The following MAP2K1 variants were observed in gnomAD, a reference collection of about 807,000 sequenced individuals.
MAP2K1 encodes dual specificity mitogen-activated protein kinase kinase 1.
A neutral mutation model predicts 46.3 loss-of-function variants in MAP2K1; 16 were observed. The observed-to-expected ratio is 0.35, with a 90% CI of 0.23 to 0.52. The LOEUF (loss-of-function observed/expected upper bound fraction) is 0.52, where lower values mean the gene tolerates loss of function less well. MAP2K1 is among the 20% of genes least tolerant of loss of function. The pLI is 0.94. For missense variants in MAP2K1, 263 were observed against 497.1 expected, an observed-to-expected ratio of 0.53 and a Z score of 4.48; for synonymous variants, 183 against 185.6, an observed-to-expected ratio of 0.99 and a Z score of 0.11.
chr15:66,474,758 TGTGCAATGGTTTATA>T (rs1327667726), intron 5 of MAP2K1, among the ~76,000 whole-genome samples: 2 of 152,112 alleles, frequency 1.3e-5, no homozygotes, highest in Non-Finnish European at 2.9e-5. Flanking sequence ...TTCTCATCTG[TGTGCAATGGTTTATA>T]ATGCTTACCT....
intron 5 of MAP2K1, among the ~76,000 whole-genome samples, chr15:66,472,272 C>G (rs1191856564): frequency 6.6e-6 from 1 of 150,790 alleles, no homozygotes; most frequent in Non-Finnish European, 1.5e-5. Context: ...CTACTGCACT[C>G]CAGCCTGGGC....
rs6494573 is a variant in MAP2K1, at chr15:66,443,213, C to T, written c.439-67C>T. 992,015 of 1,089,166 alleles carry T rather than the reference C, an allele frequency of 0.91. 454,750 individuals are homozygous for T. The highest frequency in any genetic ancestry group is 1 in the East Asian group (41,847 of 41,858). 67.5% of individuals were successfully genotyped at this position (1,089,166 alleles called of 1,614,324 possible). On this transcript the variant is annotated intron_variant, in intron 3 of 10. Transcript: ENST00000307102. ...GCCATTCTCCTGCCTCAGCCACAGC[C>T]GAAAGTTATCACTTGAAAGAATAGT...
chr15:66,459,267 C>G (rs953420973), intron 5 of MAP2K1, among the ~76,000 whole-genome samples: 1 of 139,354 alleles, frequency 7.2e-6, no homozygotes, highest in East Asian at 2.2e-4. Context: ...GAGCCAAAAT[C>G]GCCACTGCAC....
intron 5 of MAP2K1, among the ~76,000 whole-genome samples, chr15:66,477,867 C>G (rs150507552): frequency 3.2e-4 from 48 of 152,202 alleles, no homozygotes; most frequent in African/African-American, 1.0e-3. Flanking sequence ...TTCTCAGTCT[C>G]GTTCCATTTT....
rs569157090 is a variant in MAP2K1 at position 66,489,848 on chromosome 15, C to T, written c.1068+85C>T. On this transcript the variant is annotated intron_variant, in intron 10 of 10. Transcript: ENST00000307102. Reference sequence around the variant, plus strand: ...AGTCATCTGTGCAGTACTTCCAGAGCCCATTCATTCCCTGCCCACTGTGGT... The same window carrying T: ...AGTCATCTGTGCAGTACTTCCAGAGTCCATTCATTCCCTGCCCACTGTGGT... 1.4e-5 allele frequency: 15 copies of T among 1,109,040 alleles called. No homozygotes were observed. In the South Asian group the frequency reaches 1.5e-4, roughly 11 times the overall value. 68.7% of individuals were successfully genotyped at this position (1,109,040 alleles called of 1,614,324 possible). A position where few individuals can be genotyped will look rare whatever the true frequency, so the allele number is the denominator to read the frequency against.
rs1427509651 is a variant in MAP2K1, at chr15:66,438,032, TTTTAA to T, written c.438+1145_438+1149del. Among the ~76,000 whole-genome samples the T allele has an allele frequency of 2.6e-3, 389 of 151,238 alleles. 1 individual carries two copies. Among genetic ancestry groups the T allele is most frequent in the Non-Finnish European group, 4.3e-3 (293 of 67,754 alleles). Reference sequence around the variant, plus strand: ...GTCTCTTGTGTTCTTTTTTTTTTTTTTTTAATTTATTTTTATTTTTTAGGGTGATG... The same window carrying T: ...GTCTCTTGTGTTCTTTTTTTTTTTTTTTTATTTTTATTTTTTAGGGTGATG... On this transcript the variant is annotated intron_variant, in intron 3 of 10. Transcript: ENST00000307102.
At chr15:66,477,218 T>C (rs1892774162) in intron 5 of MAP2K1, among the ~76,000 whole-genome samples, 1 of 152,056 alleles carries the variant, frequency 6.6e-6, no homozygotes. Flanking sequence ...GTTATGTAAG[T>C]TTGAAAAAAG....
At chr15:66,424,304 T>G (rs1330297120) in intron 1 of MAP2K1, among the ~76,000 whole-genome samples, 1 of 152,008 alleles carries the variant, frequency 6.6e-6, no homozygotes, top group African/African-American at 2.4e-5. Context: ...GTGATCTGCC[T>G]GCCTCGGCCT....
chr15:66,443,250 C>G (rs2140597621), intron 3 of MAP2K1, 30 bp from the exon 4 acceptor site: 1 of 1,363,934 alleles, frequency 7.3e-7, no homozygotes, highest in South Asian at 1.2e-5. Context: ...AGAACATTGT[C>G]ACTAACTGGT....
At chr15:66,484,161 T>C (rs2140672148) in intron 6 of MAP2K1, among the ~76,000 whole-genome samples, 1 of 151,558 alleles carries the variant, frequency 6.6e-6, no homozygotes, top group South Asian at 2.1e-4. Context: ...CTTTTTTTCT[T>C]CCGACATGGA....
chr15:66,464,122 T>G (rs1892400636), intron 5 of MAP2K1, among the ~76,000 whole-genome samples: 1 of 152,244 alleles, frequency 6.6e-6, no homozygotes, highest in Non-Finnish European at 1.5e-5. Context: ...TTTTAAAAAC[T>G]TTTGAGAAAG....
At chr15:66,420,773 ATATGTGTATATATATG>A (rs2093437440) in intron 1 of MAP2K1, among the ~76,000 whole-genome samples, 2 of 35,550 alleles carry the variant, frequency 5.6e-5, no homozygotes, top group Non-Finnish European at 1.4e-4. Flanking sequence ...GTGTGTATAT[ATATGTGTATATATATG>A]TGTGTATATA....
rs538149920 is a variant in MAP2K1, at chr15:66,489,375, T to C, written c.1022+99T>C. On this transcript the variant is annotated intron_variant, in intron 9 of 10. Coordinates refer to ENST00000307102, the MANE Select transcript of MAP2K1 (RefSeq NM_002755.4). Reference sequence around the variant, plus strand: ...CCAGCATTGCTTCTGCAGGCAGAGTTTTGCCCTTTACCCTCCCGTCTGATG... The same window carrying C: ...CCAGCATTGCTTCTGCAGGCAGAGTCTTGCCCTTTACCCTCCCGTCTGATG... The C allele has an allele frequency of 1.7e-5, 20 of 1,202,216 alleles. No individual in the cohort carries two copies. The African/African-American group carries it at 2.7e-4, about 16-fold the overall frequency. 74.5% of individuals were successfully genotyped at this position (1,202,216 alleles called of 1,614,324 possible).
At chr15:66,435,350 A>ATT in intron 2 of MAP2K1, 113 bp downstream of exon 2, 2 of 583,928 alleles carry the variant, frequency 3.4e-6, no homozygotes, top group South Asian at 1.9e-5. Flanking sequence ...GTGCTGTTTG[A>ATT]ATTTTTTTTT....
At chr15:66,442,705 C>G (rs1303717497) in intron 3 of MAP2K1, among the ~76,000 whole-genome samples, 1 of 152,154 alleles carries the variant, frequency 6.6e-6, no homozygotes, top group South Asian at 2.1e-4. Flanking sequence ...CTGTTTAATT[C>G]TGACACTACC....
intron 3 of MAP2K1, among the ~76,000 whole-genome samples, chr15:66,438,019 C>CTTT (rs58085335): frequency 1.7e-5 from 2 of 117,790 alleles, no homozygotes; most frequent in Non-Finnish European, 1.8e-5. Flanking sequence ...CTCTTGTGTT[C>CTTT]TTTTTTTTTT....
At chr15:66,468,653 C>CTGG (rs767127412) in intron 5 of MAP2K1, among the ~76,000 whole-genome samples, 7 of 152,204 alleles carry the variant, frequency 4.6e-5, no homozygotes, top group Admixed American at 2.0e-4. Context: ...TTTTTTTTGG[C>CTGG]TGGGCGCGGT....
At chr15:66,421,455 T>C (rs75376601) in intron 1 of MAP2K1, among the ~76,000 whole-genome samples, 2 of 151,942 alleles carry the variant, frequency 1.3e-5, no homozygotes, top group South Asian at 2.1e-4. Flanking sequence ...TTTTTTTTTT[T>C]CCTTAAGTGC....
rs1240248728 is a variant in MAP2K1, at chr15:66,443,358, G to A, written c.516+1G>A. 3.1e-6 allele frequency: 5 copies of A among 1,589,610 alleles called. No homozygotes were observed. The highest frequency in any genetic ancestry group is 4.3e-6 in the Non-Finnish European group (5 of 1,157,864). On this transcript the variant is annotated splice_donor_variant, in intron 4 of 10. Transcript: ENST00000307102. LOFTEE classifies it high-confidence loss of function. ...AATTTTAGGAAAAGTTAGCATTGCT[G>A]TGAGTATGTTATGAAGTTTTTCTTC...
Sources: allele counts gnomAD v4.1 joint callset (sites outside exome capture counted in the v4.1 genomes callset), GRCh38; gene constraint gnomAD v4.1.1; transcripts MANE v1.5; gene names NCBI Gene and HGNC (gene_info 2026-07-23, HGNC 2026-07-21).